BTBD1: variants seen among roughly 807,000 people sequenced by gnomAD.
BTBD1 encodes BTB domain containing 1, also known as BTB/POZ domain-containing protein 1.
In BTBD1, 34 loss-of-function variants were observed where a neutral mutation model predicts 48.0. That is an observed-to-expected ratio of 0.71 (90% CI 0.54 to 0.94). The LOEUF (loss-of-function observed/expected upper bound fraction) is 0.94. Among genes scored for constraint, BTBD1 ranks in the 40% least tolerant of loss-of-function variants. BTBD1 has a pLI of 0.00. For missense variants in BTBD1, 543 were observed against 625.6 expected (o/e 0.87, Z 1.41); for synonymous variants, 261 against 242.1 (o/e 1.08, Z -0.72).
chr15:83,058,811 C>T (rs2033130902), intron 1 of BTBD1, among the ~76,000 whole-genome samples: 1 of 152,086 alleles, frequency 6.6e-6, no homozygotes, highest in African/African-American at 2.4e-5. Context: ...CAAACCTATA[C>T]ATGGTTCTAT....
intron 5 of BTBD1, 165 bp from the exon 6 acceptor site, chr15:83,020,927 T>G: frequency 2.0e-6 from 1 of 509,636 alleles, no homozygotes; most frequent in South Asian, 3.2e-5. Flanking sequence ...ACCAAAAAGC[T>G]TTCTAGAGCA....
At chr15:83,051,069 A>C (rs766134188) in intron 2 of BTBD1, among the ~76,000 whole-genome samples, 1 of 151,886 alleles carries the variant, frequency 6.6e-6, no homozygotes, top group Non-Finnish European at 1.5e-5. Flanking sequence ...GGGGAGTCCA[A>C]GTTAAACTCA....
intron 3 of BTBD1, among the ~76,000 whole-genome samples, chr15:83,047,929 T>G (rs975486156): frequency 3.3e-5 from 5 of 152,206 alleles, no homozygotes; most frequent in South Asian, 2.1e-4. Context: ...GGAAGTTATA[T>G]GGGCTGATTT....
chr15:83,020,840 T>C, intron 5 of BTBD1, 78 bp from the exon 6 acceptor site: 1 of 875,110 alleles, frequency 1.1e-6, no homozygotes. Flanking sequence ...TTTTTTTAAG[T>C]GTAACCTGGA....
chr15:83,017,812 T>C lies in BTBD1; in HGVS notation c.*255A>G, dbSNP rs537876949. 1.2e-4 allele frequency: 26 copies of C among 221,552 alleles called. No homozygotes were observed. In the South Asian group the frequency reaches 3.7e-3, roughly 31 times the overall value. 13.7% of individuals were successfully genotyped at this position (221,552 alleles called of 1,614,324 possible). A position where few individuals can be genotyped will look rare whatever the true frequency, so the allele number is the denominator to read the frequency against. On this transcript the variant is annotated 3_prime_UTR_variant, in exon 8 of 8. Coordinates refer to ENST00000261721, the MANE Select transcript of BTBD1 (RefSeq NM_025238.4). Reference sequence around the variant, plus strand: ...AGCCAATCTATGAAATTATACAAGATGAAGGTGAAAAAGCTGTGCTTTTTT... The same window carrying C: ...AGCCAATCTATGAAATTATACAAGACGAAGGTGAAAAAGCTGTGCTTTTTT...
At chr15:83,032,996 G>C (rs28836869) in intron 4 of BTBD1, among the ~76,000 whole-genome samples, 8,937 of 126,382 alleles carry the variant, frequency 0.071, 320 homozygotes, top group Middle Eastern at 0.14. Context: ...AAACAGAATA[G>C]AATTGCATTC....
chr15:83,061,404 A>G (rs2033174282), intron 1 of BTBD1: 1 of 152,240 alleles, frequency 6.6e-6, no homozygotes. Flanking sequence ...ACAGAAGTAT[A>G]TATTAGGCAC....
chr15:83,018,228 A>C lies in BTBD1; in HGVS notation c.1291-3T>G. ...GTGCCATAGTGGGAATCTGGACCCT[A>C]AATGAGAACAAAAGGTTCCTTAGTA... On this transcript the variant is annotated splice_region_variant and splice_polypyrimidine_tract_variant and intron_variant, in intron 7 of 7. Transcript: ENST00000261721. 1.3e-6 allele frequency: 2 copies of C among 1,564,494 alleles called. No homozygotes were observed. The highest frequency in any genetic ancestry group is 1.7e-6 in the Non-Finnish European group (2 of 1,156,798).
intron 3 of BTBD1, among the ~76,000 whole-genome samples, chr15:83,045,254 G>C (rs2032854150): frequency 6.6e-6 from 1 of 152,120 alleles, no homozygotes; most frequent in African/African-American, 2.4e-5. Context: ...CCAGCACTTT[G>C]GGAGGCCGAG....
At chr15:83,044,652 C>T in intron 3 of BTBD1, 1 of 1,529,966 alleles carries the variant, frequency 6.5e-7, no homozygotes, top group African/African-American at 1.4e-5. Flanking sequence ...ATTGGTTCAG[C>T]ATCAGGAGTG....
chr15:83,047,420 AGGG>A, intron 3 of BTBD1, among the ~76,000 whole-genome samples: 1 of 152,194 alleles, frequency 6.6e-6, no homozygotes. Flanking sequence ...GAATTGAATT[AGGG>A]GGAGAATGGT....
intron 2 of BTBD1, among the ~76,000 whole-genome samples, chr15:83,053,465 G>A (rs1596442733): frequency 6.6e-6 from 1 of 152,130 alleles, no homozygotes; most frequent in East Asian, 1.9e-4. Context: ...AGAAACACTG[G>A]TGTCATCTGA....
At chr15:83,024,337 G>C (rs1438064441) in intron 5 of BTBD1, 2 of 152,174 alleles carry the variant, frequency 1.3e-5, no homozygotes, top group Non-Finnish European at 2.9e-5. Flanking sequence ...AGAGATGATA[G>C]TTATTTATGC....
chr15:83,053,494 C>T (rs185469952), intron 2 of BTBD1, among the ~76,000 whole-genome samples: 1 of 152,242 alleles, frequency 6.6e-6, no homozygotes, highest in African/African-American at 2.4e-5. Flanking sequence ...TAGAAATGTA[C>T]TCTGAGGCCC....
At chr15:83,027,748 A>C (rs1272381245) in intron 5 of BTBD1, among the ~76,000 whole-genome samples, 3 of 152,232 alleles carry the variant, frequency 2.0e-5, no homozygotes, top group Non-Finnish European at 4.4e-5. Flanking sequence ...GACCAACTAT[A>C]TATACTCTTT....
intron 4 of BTBD1, among the ~76,000 whole-genome samples, chr15:83,034,462 A>T (rs2151304170): frequency 6.6e-6 from 1 of 152,206 alleles, no homozygotes; most frequent in South Asian, 2.1e-4. Flanking sequence ...AAAAATACAA[A>T]ATTTAGCAGG....
Position 83,056,370 on chromosome 15 carries a change from C to A in BTBD1, c.558+19G>T, listed in dbSNP as rs1280579513. On this transcript the variant is annotated intron_variant, in intron 2 of 7. Coordinates refer to ENST00000261721, the MANE Select transcript of BTBD1 (RefSeq NM_025238.4). Reference sequence around the variant, plus strand: ...ATTTTAAAACTACAATGATACATACCTTAGCTACATTTACTTACCTGAGTA... The same window carrying A: ...ATTTTAAAACTACAATGATACATACATTAGCTACATTTACTTACCTGAGTA... 6 of 1,590,936 alleles carry A rather than the reference C, an allele frequency of 3.8e-6. No homozygotes were observed. The highest frequency in any genetic ancestry group is 5.2e-6 in the Non-Finnish European group (6 of 1,159,724).
chr15:83,051,663 T>A (rs1392453859), intron 2 of BTBD1, among the ~76,000 whole-genome samples: 3 of 151,718 alleles, frequency 2.0e-5, no homozygotes, highest in Non-Finnish European at 4.4e-5. Context: ...TAAATCTATC[T>A]CATGCAATTT....
At chr15:83,055,645 T>C (rs1447947477) in intron 2 of BTBD1, among the ~76,000 whole-genome samples, 2 of 152,190 alleles carry the variant, frequency 1.3e-5, no homozygotes, top group Non-Finnish European at 2.9e-5. Flanking sequence ...ACCTAAAACT[T>C]TAACTCCTCC....
Sources: allele counts gnomAD v4.1 joint callset (sites outside exome capture counted in the v4.1 genomes callset), GRCh38; gene constraint gnomAD v4.1.1; transcripts MANE v1.5; gene names NCBI Gene and HGNC (gene_info 2026-07-23, HGNC 2026-07-21).